Variants in AFF2 observed in about 807,000 individuals in gnomAD.
AFF2 encodes the protein AF4/FMR2 family member 2.
In AFF2, 14 loss-of-function variants were observed where a neutral mutation model predicts 76.9. The ratio of observed to expected loss-of-function variants is 0.18; its 90% CI spans 0.12 to 0.28. The LOEUF is 0.28. Ranked by LOEUF, AFF2 falls within the 10% of genes least tolerant of loss-of-function variation. The pLI is 1.00. For missense variants in AFF2, 868 were observed against 1,001.1 expected, an observed-to-expected ratio of 0.87 and a Z score of 1.79; for synonymous variants, 398 against 366.7, an observed-to-expected ratio of 1.09 and a Z score of -0.98.
chrX:148,797,197 A>C (rs2069995999), intron 3 of AFF2, among the ~76,000 whole-genome samples: 1 of 111,094 alleles, frequency 9.0e-6, no homozygotes, highest in African/African-American at 3.4e-5. Context: ...CTTTCAAATT[A>C]ATCTGCTTTT....
Position 148,953,563 on chromosome X carries a change from T to C in AFF2, c.1398-17T>C, listed in dbSNP as rs782516123. ...TGAGAGTAAATGAGGCAATGAATTATGTTGTTTTTCTTTCAGCCCACCCTT... is the reference window on the plus strand; with the variant it reads ...TGAGAGTAAATGAGGCAATGAATTACGTTGTTTTTCTTTCAGCCCACCCTT... On this transcript the variant is annotated splice_polypyrimidine_tract_variant and intron_variant, in intron 9 of 20. Coordinates refer to ENST00000370460, the MANE Select transcript of AFF2 (RefSeq NM_002025.4). 8.3e-7 allele frequency: 1 copy of C among 1,198,574 alleles called. No homozygotes were observed. Among genetic ancestry groups the C allele is most frequent in the South Asian group, 1.8e-5 (1 of 54,983 alleles).
At chrX:148,710,868 G>A (rs1373459731) in intron 3 of AFF2, among the ~76,000 whole-genome samples, 1 of 111,623 alleles carries the variant, frequency 9.0e-6, no homozygotes, top group African/African-American at 3.3e-5. Context: ...TTGGGCCAAG[G>A]TCAGTTGACT....
At chrX:148,588,423 G>A (rs782639296) in intron 1 of AFF2, among the ~76,000 whole-genome samples, 19 of 112,315 alleles carry the variant, frequency 1.7e-4, no homozygotes, top group Non-Finnish European at 3.4e-4. Flanking sequence ...CAAACCAGAG[G>A]GAAACTGTTT....
chrX:148,852,223 T>G (rs1431304286), intron 7 of AFF2, among the ~76,000 whole-genome samples: 3 of 110,755 alleles, frequency 2.7e-5, no homozygotes, highest in African/African-American at 9.9e-5. Context: ...ATGATTTATA[T>G]TCCTCTGGGT....
At chrX:148,945,522 C>T (rs1349737583) in intron 9 of AFF2, among the ~76,000 whole-genome samples, 1 of 112,063 alleles carries the variant, frequency 8.9e-6, no homozygotes, top group Admixed American at 9.4e-5. Context: ...CCTTGCCATG[C>T]TCAATGTGGT....
chrX:148,559,752 T>C (rs1292015120), intron 1 of AFF2, among the ~76,000 whole-genome samples: 2 of 112,007 alleles, frequency 1.8e-5, no homozygotes, highest in Non-Finnish European at 3.8e-5. Flanking sequence ...TGCATATGTC[T>C]TTATAGTAGA....
At chrX:148,518,795 C>T (rs1056714461) in intron 1 of AFF2, among the ~76,000 whole-genome samples, 13 of 111,871 alleles carry the variant, frequency 1.2e-4, no homozygotes, top group African/African-American at 3.9e-4. Flanking sequence ...GAATCCCAAG[C>T]TTGAAATTGT....
chrX:148,824,389 A>G (rs1557272824), intron 4 of AFF2, among the ~76,000 whole-genome samples: 1 of 111,932 alleles, frequency 8.9e-6, no homozygotes, highest in Non-Finnish European at 1.9e-5. Flanking sequence ...TTACTAAAAG[A>G]GTGGACCTTA....
chrX:148,805,950 AG>A (rs1420659406), intron 3 of AFF2, among the ~76,000 whole-genome samples: 21 of 112,128 alleles, frequency 1.9e-4, no homozygotes, highest in Middle Eastern at 4.6e-3. Flanking sequence ...CTCCAGGAGG[AG>A]GGGGCGGAGA....
intron 3 of AFF2, among the ~76,000 whole-genome samples, chrX:148,769,501 G>C (rs2069559981): frequency 9.0e-6 from 1 of 111,698 alleles, no homozygotes; most frequent in Non-Finnish European, 1.9e-5. Flanking sequence ...ACAATACACT[G>C]TTCTTTATGT....
chrX:148,614,546 C>T (rs192120888), intron 1 of AFF2, among the ~76,000 whole-genome samples: 47 of 109,700 alleles, frequency 4.3e-4, no homozygotes, highest in Admixed American at 1.3e-3. Context: ...TATAGCAGGC[C>T]GCCTCCTCCA....
intron 1 of AFF2, among the ~76,000 whole-genome samples, chrX:148,512,874 G>C (rs983428363): frequency 9.0e-6 from 1 of 111,620 alleles, no homozygotes; most frequent in African/African-American, 3.3e-5. Flanking sequence ...TAGGTAGAGT[G>C]GGATCTTTTC....
chrX:148,751,071 C>A (rs181712666), intron 3 of AFF2, among the ~76,000 whole-genome samples: 399 of 111,482 alleles, frequency 3.6e-3, no homozygotes, highest in Non-Finnish European at 3.5e-3. Context: ...ATACTTATTT[C>A]CAAATTCTCC....
chrX:148,849,252 T>A (rs996560389), intron 7 of AFF2, among the ~76,000 whole-genome samples: 1 of 108,551 alleles, frequency 9.2e-6, no homozygotes, highest in East Asian at 2.9e-4. Flanking sequence ...AGTTGAAAGA[T>A]TAGATCTGAT....
chrX:148,813,595 T>C (rs1238515936), intron 4 of AFF2, among the ~76,000 whole-genome samples: 1 of 112,050 alleles, frequency 8.9e-6, no homozygotes, highest in Non-Finnish European at 1.9e-5. Flanking sequence ...TTATTAGTCA[T>C]GCTTTACAGA....
Position 148,946,401 on chromosome X carries a change from G to T in AFF2, c.1398-7179G>T, listed in dbSNP as rs189383045. On this transcript the variant is annotated intron_variant, in intron 9 of 20. Coordinates refer to ENST00000370460, the MANE Select transcript of AFF2 (RefSeq NM_002025.4). ...AAGAAAATCTGTTCAGGTGTAAGAG[G>T]GTGCACTCAGAATTTTAATTATTTG... Among the ~76,000 whole-genome samples, 1,030 of 112,147 alleles carry T rather than the reference G, an allele frequency of 9.2e-3. 5 individuals carry two copies. Among genetic ancestry groups the T allele is most frequent in the Non-Finnish European group, 0.015 (788 of 53,184 alleles).
rs185010237 is a variant in AFF2 at position 148,802,089 on chromosome X, G to C, written c.1042-7787G>C. 5.3e-5 allele frequency among the ~76,000 whole-genome samples: 6 copies of C among 112,380 alleles called. No individual in the cohort carries two copies. In the East Asian group the frequency reaches 1.4e-3, roughly 26 times the overall value. ...CTTTAAGAATTCATTTTTGGCTTTG[G>C]AATACATGACATGTCATAGATAATA... On this transcript the variant is annotated intron_variant, in intron 3 of 20. Transcript: ENST00000370460.
chrX:148,713,879 G>A (rs1183143172), intron 3 of AFF2, among the ~76,000 whole-genome samples: 1 of 111,780 alleles, frequency 8.9e-6, no homozygotes, highest in Non-Finnish European at 1.9e-5. Context: ...AGGTAAATGA[G>A]TTAATCTTAG....
chrX:148,977,197 A>G (rs1385026050), intron 16 of AFF2, among the ~76,000 whole-genome samples: 1 of 112,276 alleles, frequency 8.9e-6, no homozygotes, highest in African/African-American at 3.2e-5. Flanking sequence ...TTGATTTTCA[A>G]GAGTCTAAAT....
Sources: gnomAD v4.1 joint callset for allele counts (sites outside exome capture counted in the v4.1 genomes callset) on GRCh38, gnomAD v4.1.1 for gene constraint, MANE v1.5 for transcripts, NCBI Gene and HGNC (gene_info 2026-07-23, HGNC 2026-07-21) for gene names.